Variants in TFDP1 observed in about 807,000 individuals in gnomAD.
TFDP1 encodes the protein DRTF1-polypeptide 1.
Under a neutral mutation model 48.0 loss-of-function variants are expected in TFDP1, and 6 were observed. The observed-to-expected ratio is 0.13, with a 90% CI of 0.07 to 0.25. The LOEUF (loss-of-function observed/expected upper bound fraction) is 0.25. Among genes scored for constraint, TFDP1 ranks in the 10% least tolerant of loss-of-function variants. The pLI, the probability that TFDP1 is intolerant of heterozygous loss-of-function variation, is 1.00. For synonymous variants in TFDP1, 201 were observed against 211.6 expected (o/e 0.95, Z 0.44); for missense variants, 335 against 543.0 (o/e 0.62, Z 3.81).
At chr13:113,629,720 A>G (rs567516290) in intron 4 of TFDP1, among the ~76,000 whole-genome samples, 21 of 152,192 alleles carry the variant, frequency 1.4e-4, no homozygotes, top group African/African-American at 5.1e-4. Flanking sequence ...TTTTCAGCTC[A>G]TGCGGGTTTA....
chr13:113,621,767 C>T lies in TFDP1; in HGVS notation c.80-1413C>T, dbSNP rs578039612. On this transcript the variant is annotated intron_variant, in intron 3 of 11. Transcript: ENST00000375370. The stretch of plus-strand genomic sequence containing the variant: ...TAGCCTCAGTGTCACGGAAAAACAG[C>T]GGCTACTTAGCAGACCGGGAAAGGG... 3.9e-5 allele frequency among the ~76,000 whole-genome samples: 6 copies of T among 152,320 alleles called. No homozygotes were observed. In the South Asian group the frequency reaches 8.3e-4, roughly 21 times the overall value.
intron 3 of TFDP1, among the ~76,000 whole-genome samples, chr13:113,621,207 A>C (rs2048986341): frequency 6.6e-6 from 1 of 152,220 alleles, no homozygotes; most frequent in South Asian, 2.1e-4. Context: ...AGCTCTGCGG[A>C]TGGGCGGCCG....
chr13:113,620,442 C>T (rs1017109809), intron 3 of TFDP1, among the ~76,000 whole-genome samples: 1 of 152,216 alleles, frequency 6.6e-6, no homozygotes, highest in Admixed American at 6.5e-5. Context: ...TCTTTCTTCA[C>T]ATTTATTGAA....
At position 113,636,529 on chromosome 13, in the gene TFDP1, T is replaced by A; in HGVS notation, c.840-5T>A. ...TGTCTTTCTGACTGTGCCTTTCCCC[T>A]TCAGATTTGAGTATCTGTTTAATTT... is the stretch of plus-strand genomic sequence containing the variant. On this transcript the variant is annotated splice_polypyrimidine_tract_variant and splice_region_variant and intron_variant, in intron 9 of 11. Coordinates refer to ENST00000375370, the MANE Select transcript of TFDP1 (RefSeq NM_007111.5). 5.6e-6 allele frequency: 9 copies of A among 1,613,318 alleles called. No homozygotes were observed. Among genetic ancestry groups the A allele is most frequent in the Non-Finnish European group, 7.6e-6 (9 of 1,179,934 alleles).
rs183416231 is a variant in TFDP1 at position 113,636,794 on chromosome 13, C to T, written c.1006+94C>T. The T allele has an allele frequency of 2.8e-6, 4 of 1,433,782 alleles. No individual in the cohort carries two copies. In the African/African-American group the frequency reaches 4.6e-5, roughly 17 times the overall value. The allele number at this position is 1,433,782 out of a possible 1,614,324, so 88.8% of individuals were successfully genotyped here. A position where few individuals can be genotyped will look rare whatever the true frequency, so the allele number is the denominator to read the frequency against. On this transcript the variant is annotated intron_variant, in intron 10 of 11. Transcript: ENST00000375370. ...CCCTCCCGGCTCGGGATGTGTCTTG[C>T]TGAGATCAGGCCCACGTGTGTAGGG...
rs4150757 is a variant in TFDP1, at chr13:113,623,322, G to A, written c.186+36G>A. ...CGCAGGAGCGGACAGCCGGGATCTC[G>A]GTGTGAGGTCGGGATCGGATGAGCC... On this transcript the variant is annotated intron_variant, in intron 4 of 11. Coordinates refer to ENST00000375370, the MANE Select transcript of TFDP1 (RefSeq NM_007111.5). This position sits in a 1 kb window ranked among gnomAD's most constrained non-coding sequence, Gnocchi z 5.2. The A allele has an allele frequency of 1.4e-3, 2,215 of 1,568,286 alleles. 2 individuals carry two copies. The highest frequency in any genetic ancestry group is 2.7e-3 in the South Asian group (236 of 86,292).
chr13:113,586,977 G>C (rs1318933255), intron 2 of TFDP1, among the ~76,000 whole-genome samples: 1 of 152,244 alleles, frequency 6.6e-6, no homozygotes, highest in Non-Finnish European at 1.5e-5. Context: ...TGCTCAGCGC[G>C]CAAGCCATGT....
At chr13:113,588,332 G>A (rs2048054821) in intron 2 of TFDP1, among the ~76,000 whole-genome samples, 1 of 152,242 alleles carries the variant, frequency 6.6e-6, no homozygotes, top group South Asian at 2.1e-4. Flanking sequence ...CTGGAGCTAG[G>A]CCCTGGTAGT....
chr13:113,631,693 C>T lies in TFDP1; in HGVS notation c.257C>T (p.Thr86Ile). 6.2e-7 allele frequency: 1 copy of T among 1,614,184 alleles called. No homozygotes were observed. Among genetic ancestry groups the T allele is most frequent in the Non-Finnish European group, 8.5e-7 (1 of 1,180,018 alleles). ...LVVGSPHTPS[T>I]HFASQNQPSD... ...GTAGGAAGCCCACACACCCCCAGCA[C>T]TCACTTTGCCTCTCAGAACCAGCCT... The change falls in exon 5 of 12, where the codon ACT becomes ATT. Residue 86 changes from threonine (T) to isoleucine (I), a missense_variant. By Grantham distance (89) the Thr-to-Ile change is moderately conservative (BLOSUM62 -1). Transcript: ENST00000375370.
intron 2 of TFDP1, among the ~76,000 whole-genome samples, chr13:113,599,559 T>G (rs1011030543): frequency 1.3e-5 from 2 of 152,150 alleles, no homozygotes; most frequent in Non-Finnish European, 2.9e-5. Flanking sequence ...AGGTGTTGGG[T>G]GTTGGGGCCT....
intron 4 of TFDP1, among the ~76,000 whole-genome samples, chr13:113,625,283 A>C (rs2049114882): frequency 3.5e-5 from 4 of 114,872 alleles, no homozygotes; most frequent in East Asian, 2.8e-4. Flanking sequence ...GGTGTCTCTC[A>C]CGTGTCCTCA....
At chr13:113,619,481 C>CAAAAAAA (rs1162300447) in intron 3 of TFDP1, among the ~76,000 whole-genome samples, 4 of 110,486 alleles carry the variant, frequency 3.6e-5, no homozygotes, top group South Asian at 3.1e-4. Flanking sequence ...AAAAAAAAAA[C>CAAAAAAA]AAAAAAAAAA....
intron 2 of TFDP1, among the ~76,000 whole-genome samples, chr13:113,595,020 G>C (rs1028474402): frequency 3.3e-5 from 5 of 152,172 alleles, no homozygotes; most frequent in Non-Finnish European, 5.9e-5. Flanking sequence ...TGTACCTTCT[G>C]TTTCTAATCT....
At position 113,637,907 on chromosome 13, in the gene TFDP1, T is replaced by C; in HGVS notation, c.1085+11T>C. ...AAGGTTCTCTGCCAGGTGACAGTCG[T>C]TGAGGGTGTGGGAGAGGCGTCATCT... On this transcript the variant is annotated intron_variant, in intron 11 of 11. Transcript: ENST00000375370. The C allele has an allele frequency of 6.2e-7, 1 of 1,612,308 alleles. No homozygotes were observed. The highest frequency in any genetic ancestry group is 8.5e-7 in the Non-Finnish European group (1 of 1,179,560).
Position 113,617,673 on chromosome 13 carries a change from CGCTCACCTGCAGAGCT to C in TFDP1, c.80-5492_80-5477del, listed in dbSNP as rs1481790672. Among the ~76,000 whole-genome samples the C allele has an allele frequency of 5.7e-3, 441 of 77,740 alleles. 1 individual carries two copies. Among genetic ancestry groups the C allele is most frequent in the Middle Eastern group, 8.1e-3 (1 of 124 alleles). 51.0% of individuals were successfully genotyped at this position (77,740 alleles called of 152,430 possible). On this transcript the variant is annotated intron_variant, in intron 3 of 11. Transcript: ENST00000375370. ...CTGCAGAGCCGCTCACCTGCAGAGC[CGCTCACCTGCAGAGCT>C]GCTCACCTGCAGAGGGGTTGTGCTT... is the stretch of plus-strand genomic sequence containing the variant.
At chr13:113,596,449 T>A (rs1372542948) in intron 2 of TFDP1, among the ~76,000 whole-genome samples, 1 of 152,190 alleles carries the variant, frequency 6.6e-6, no homozygotes, top group Non-Finnish European at 1.5e-5. Flanking sequence ...GTCATCCCGG[T>A]AGCCCGAGTT....
chr13:113,603,370 C>T (rs757282025), intron 2 of TFDP1, among the ~76,000 whole-genome samples: 13 of 152,204 alleles, frequency 8.5e-5, no homozygotes, highest in Non-Finnish European at 1.6e-4. Flanking sequence ...GTTGAGGGCC[C>T]GGGCAGCGCC....
rs758986333 is a variant in TFDP1, at chr13:113,640,016, C to T, written c.1086-104C>T. The T allele has an allele frequency of 2.4e-6, 2 of 841,782 alleles. 1 individual carries two copies. The highest frequency in any genetic ancestry group is 3.7e-6 in the Non-Finnish European group (2 of 536,728). 52.1% of individuals were successfully genotyped at this position (841,782 alleles called of 1,614,324 possible). On this transcript the variant is annotated intron_variant, in intron 11 of 11. Coordinates refer to ENST00000375370, the MANE Select transcript of TFDP1 (RefSeq NM_007111.5). ...TTCTGTTTGTGTGACTGACAAAACCCACACCTGTGGGGCACAGCCTGTCAT... is the reference window on the plus strand; with the variant it reads ...TTCTGTTTGTGTGACTGACAAAACCTACACCTGTGGGGCACAGCCTGTCAT...
chr13:113,637,648 G>A (rs955441750), intron 10 of TFDP1, 170 bp from the exon 11 acceptor site: 14 of 1,538,548 alleles, frequency 9.1e-6, no homozygotes, highest in East Asian at 4.9e-5. Flanking sequence ...ACTGCACAGC[G>A]GGATGTCCTG....
Sources: gnomAD v4.1 joint callset for allele counts (sites outside exome capture counted in the v4.1 genomes callset) on GRCh38, gnomAD v4.1.1 for gene constraint, Gnocchi (gnomAD v3.1) non-coding constraint, MANE v1.5 for transcripts, NCBI Gene and HGNC (gene_info 2026-07-23, HGNC 2026-07-21) for gene names.